FOCAD: variants seen among roughly 807,000 people sequenced by gnomAD.
FOCAD encodes the protein KIAA1797.
FOCAD carries 198 observed loss-of-function variants against 225.6 expected under a neutral mutation model. The observed-to-expected ratio is 0.88, with a 90% confidence interval of 0.78 to 0.99. The LOEUF (loss-of-function observed/expected upper bound fraction) is 0.99. Among genes scored for constraint, FOCAD ranks in the 50% least tolerant of loss-of-function variants. The probability of loss-of-function intolerance (pLI) is 0.00; values close to 1 mark genes in which losing one functional copy is unlikely to be tolerated. For synonymous variants in FOCAD, 897 were observed against 755.0 expected (o/e 1.19, Z -3.08); for missense variants, 2,713 against 2,123.6 (o/e 1.28, Z -5.46).
chr9:20,984,425 C>T (rs10811447), intron 39 of FOCAD, among the ~76,000 whole-genome samples: 50,939 of 151,994 alleles, frequency 0.34, 8,917 homozygotes, highest in East Asian at 0.43. Context: ...TATCTGTTGA[C>T]ATTTTCCTTA....
intron 15 of FOCAD, among the ~76,000 whole-genome samples, chr9:20,845,435 T>G (rs1826982723): frequency 1.4e-5 from 1 of 72,614 alleles, no homozygotes; most frequent in African/African-American, 5.3e-5. Flanking sequence ...TTATGCATCT[T>G]TTCCTCGATA....
intron 8 of FOCAD, among the ~76,000 whole-genome samples, chr9:20,777,856 A>T (rs757434771): frequency 1.2e-4 from 18 of 152,010 alleles, no homozygotes; most frequent in Non-Finnish European, 2.4e-4. Context: ...TAATCCCAGC[A>T]CTTTGGGAGG....
chr9:20,892,489 C>T (rs1831699753), intron 21 of FOCAD, among the ~76,000 whole-genome samples: 1 of 152,036 alleles, frequency 6.6e-6, no homozygotes, highest in Non-Finnish European at 1.5e-5. Flanking sequence ...TCTTGGATGA[C>T]CTTGAGGGGT....
At chr9:20,839,259 C>CTTTTTTTT (rs71496859) in intron 15 of FOCAD, among the ~76,000 whole-genome samples, 1 of 132,780 alleles carries the variant, frequency 7.5e-6, no homozygotes, top group African/African-American at 2.8e-5. Context: ...TTCTTTCTTT[C>CTTTTTTTT]TTTTTTTTTT....
chr9:20,794,421 A>G (rs1008750041), intron 11 of FOCAD, among the ~76,000 whole-genome samples: 1 of 152,230 alleles, frequency 6.6e-6, no homozygotes, highest in African/African-American at 2.4e-5. Flanking sequence ...GAGCAAAAAG[A>G]TGAAATTGAA....
chr9:20,738,097 A>T (rs534543978), intron 4 of FOCAD, among the ~76,000 whole-genome samples: 1 of 152,340 alleles, frequency 6.6e-6, no homozygotes, highest in African/African-American at 2.4e-5. Context: ...AGAATTGCAA[A>T]GAAGGAGTTT....
intron 37 of FOCAD, 78 bp downstream of exon 37, chr9:20,978,532 G>T: frequency 1.0e-6 from 1 of 983,594 alleles, no homozygotes; most frequent in Non-Finnish European, 1.5e-6. Context: ...TTGGGTGTGT[G>T]TTCTCAAAGT....
At chr9:20,676,889 C>T (rs1172276488) in intron 2 of FOCAD, among the ~76,000 whole-genome samples, 1 of 152,048 alleles carries the variant, frequency 6.6e-6, no homozygotes, top group East Asian at 1.9e-4. Flanking sequence ...AAAAAAACAA[C>T]ATAAAATTTA....
chr9:20,741,989 C>G (rs1827660006), intron 5 of FOCAD, among the ~76,000 whole-genome samples: 1 of 152,038 alleles, frequency 6.6e-6, no homozygotes. Context: ...ATATGAGTGA[C>G]CCATTTAAAA....
intron 5 of FOCAD, among the ~76,000 whole-genome samples, chr9:20,753,643 C>A (rs140701265): frequency 0.013 from 1,978 of 151,892 alleles, 53 homozygotes; most frequent in African/African-American, 0.044. Context: ...TGTCTCTGCC[C>A]GGCTTTGGTA....
intron 11 of FOCAD, among the ~76,000 whole-genome samples, chr9:20,797,449 G>A (rs1291848127): frequency 6.6e-6 from 1 of 152,124 alleles, no homozygotes; most frequent in African/African-American, 2.4e-5. Context: ...CTACCCATGA[G>A]CATGGAATGT....
intron 1 of FOCAD, among the ~76,000 whole-genome samples, chr9:20,696,411 A>G (rs1206375390): frequency 1.3e-5 from 2 of 152,270 alleles, no homozygotes; most frequent in Non-Finnish European, 2.9e-5. Context: ...CTGTATACAT[A>G]TATCAAAACA....
chr9:20,990,213 T>G lies in FOCAD; in HGVS notation c.5095T>G (p.Trp1699Gly). The G allele has an allele frequency of 1.2e-6, 2 of 1,614,200 alleles. No individual in the cohort carries two copies. Residue 1699 changes from tryptophan to glycine, a missense_variant, in exon 42 of 44, where the codon TGG (tryptophan) becomes GGG (glycine). Coordinates refer to ENST00000338382, the MANE Select transcript of FOCAD (RefSeq NM_001375567.1). ...APLLLGLSASWLPWHQENGPA... is the reference protein window; with the variant it reads ...APLLLGLSASGLPWHQENGPA... ...TCTCCTCCTCGGCCTCAGTGCCAGT[T>G]GGTTGCCATGGCATCAGGAGAATGG...
chr9:20,793,495 A>G (rs1321157003), intron 11 of FOCAD, among the ~76,000 whole-genome samples: 1 of 152,150 alleles, frequency 6.6e-6, no homozygotes, highest in Admixed American at 6.6e-5. Context: ...ATTGGTCTAC[A>G]GATTAGAAAT....
At chr9:20,912,151 G>C (rs1306521424) in intron 22 of FOCAD, among the ~76,000 whole-genome samples, 1 of 151,888 alleles carries the variant, frequency 6.6e-6, no homozygotes, top group Non-Finnish European at 1.5e-5. Flanking sequence ...TCTTGTCCAA[G>C]TTAGGGCCCA....
chr9:20,903,288 G>A (rs7852825), intron 21 of FOCAD, among the ~76,000 whole-genome samples: 103,302 of 151,706 alleles, frequency 0.68, 36,477 homozygotes, highest in African/African-American at 0.88. Context: ...TGAATTTGGG[G>A]TAGGGTAGAA....
intron 11 of FOCAD, among the ~76,000 whole-genome samples, chr9:20,796,534 G>C (rs1311848138): frequency 6.6e-6 from 1 of 152,132 alleles, no homozygotes; most frequent in African/African-American, 2.4e-5. Context: ...GTATCTTATT[G>C]TGGTTTTGAT....
intron 21 of FOCAD, 23 bp downstream of exon 21, chr9:20,885,253 T>C (rs769560443): frequency 7.0e-7 from 1 of 1,431,216 alleles, no homozygotes; most frequent in South Asian, 1.7e-5. Flanking sequence ...GTCCTCTTCT[T>C]TATGTTTTAG....
intron 25 of FOCAD, 73 bp downstream of exon 25, chr9:20,923,841 G>C: frequency 9.0e-7 from 1 of 1,115,824 alleles, no homozygotes; most frequent in Non-Finnish European, 1.3e-6. Context: ...GCCTGGCCCT[G>C]GGCTTACAAG....
Sources: allele counts gnomAD v4.1 joint callset (sites outside exome capture counted in the v4.1 genomes callset), GRCh38; gene constraint gnomAD v4.1.1; transcripts MANE v1.5; gene names NCBI Gene and HGNC (gene_info 2026-07-23, HGNC 2026-07-21).